Variants in TEX11 observed in about 807,000 individuals in gnomAD.
TEX11 encodes testis expressed 11.
A neutral mutation model predicts 84.4 loss-of-function variants in TEX11; 7 were observed. The ratio of observed to expected loss-of-function variants is 0.08; its 90% CI spans 0.05 to 0.16. The LOEUF is 0.16. TEX11 is among the 10% of genes least tolerant of loss of function. TEX11 has a pLI of 1.00. For synonymous variants in TEX11, 264 were observed against 222.8 expected (o/e 1.18, Z -1.64); for missense variants, 551 against 660.5 (o/e 0.83, Z 1.82).
chrX:70,742,731 A>T (rs1048338483), intron 10 of TEX11, among the ~76,000 whole-genome samples: 1 of 109,649 alleles, frequency 9.1e-6, no homozygotes, highest in Non-Finnish European at 1.9e-5. Flanking sequence ...TCAAAAAAAA[A>T]TTTTTTTTGG....
At chrX:70,622,656 T>C (rs982161903) in intron 20 of TEX11, among the ~76,000 whole-genome samples, 3 of 112,070 alleles carry the variant, frequency 2.7e-5, no homozygotes, top group African/African-American at 9.7e-5. Context: ...TTTAGTCCTT[T>C]TTTAAAAAAG....
intron 25 of TEX11, among the ~76,000 whole-genome samples, chrX:70,591,143 T>A (rs1407886913): frequency 8.9e-6 from 1 of 112,345 alleles, no homozygotes; most frequent in Non-Finnish European, 1.9e-5. Context: ...CTTGATTAAA[T>A]TAGACATTAA....
At chrX:70,866,114 G>T (rs2091597805) in intron 4 of TEX11, among the ~76,000 whole-genome samples, 1 of 111,394 alleles carries the variant, frequency 9.0e-6, no homozygotes, top group Non-Finnish European at 1.9e-5. Flanking sequence ...CTGATTTTCT[G>T]AAAAGATTAA....
chrX:70,742,644 G>A (rs2090741163), intron 10 of TEX11, among the ~76,000 whole-genome samples: 1 of 110,254 alleles, frequency 9.1e-6, no homozygotes, highest in African/African-American at 3.3e-5. Flanking sequence ...AGGGAGGACT[G>A]CTTGAGCCCA....
chrX:70,878,289 C>G (rs770066031), intron 3 of TEX11, among the ~76,000 whole-genome samples: 1 of 108,030 alleles, frequency 9.3e-6, no homozygotes, highest in South Asian at 4.1e-4. Context: ...TCTCCTGCCT[C>G]AGCCTCCCAA....
At chrX:70,596,670 G>A (rs2089010733) in intron 24 of TEX11, among the ~76,000 whole-genome samples, 1 of 109,885 alleles carries the variant, frequency 9.1e-6, no homozygotes, top group Non-Finnish European at 1.9e-5. Flanking sequence ...TGCAAAAGTT[G>A]ATATTAAAAA....
At chrX:70,557,327 G>C (rs1039074435) in intron 25 of TEX11, among the ~76,000 whole-genome samples, 17 of 107,142 alleles carry the variant, frequency 1.6e-4, no homozygotes, top group Non-Finnish European at 2.1e-4. Context: ...AAAATTAGCC[G>C]GGTGTGGGGG....
At chrX:70,536,649 T>C (rs1457623359) in intron 28 of TEX11, among the ~76,000 whole-genome samples, 1 of 112,450 alleles carries the variant, frequency 8.9e-6, no homozygotes, top group Non-Finnish European at 1.9e-5. Context: ...TGGATCTCCT[T>C]CTGGGCTCAG....
At chrX:70,618,445 A>G (rs11094162) in intron 20 of TEX11, among the ~76,000 whole-genome samples, 32,422 of 110,537 alleles carry the variant, frequency 0.29, 4,359 homozygotes, top group African/African-American at 0.52. Flanking sequence ...AGTTGAACCT[A>G]GACATATTCC....
At chrX:70,661,155 GA>G (rs1225730392) in intron 16 of TEX11, among the ~76,000 whole-genome samples, 1 of 111,871 alleles carries the variant, frequency 8.9e-6, no homozygotes. Context: ...ACGGCACTTG[GA>G]AAATCAGGTC....
chrX:70,605,286 G>A (rs2089182788), intron 24 of TEX11, 115 bp downstream of exon 24: 2 of 472,480 alleles, frequency 4.2e-6, no homozygotes, highest in East Asian at 7.5e-5. Context: ...TCAAGACGAT[G>A]CTGGAGTGGA....
chrX:70,811,586 C>T (rs1384247544), intron 8 of TEX11, among the ~76,000 whole-genome samples: 2 of 111,097 alleles, frequency 1.8e-5, no homozygotes, highest in Non-Finnish European at 3.8e-5. Flanking sequence ...TTCAAGATCC[C>T]TGAGGAATCG....
rs1341574531 is a variant in TEX11, at chrX:70,817,250, T to TACACACACACAC, written c.607-10461_607-10460insGTGTGTGTGTGT. Among the ~76,000 whole-genome samples the TACACACACACAC allele has an allele frequency of 6.2e-4, 57 of 91,421 alleles. 1 individual carries two copies. Among genetic ancestry groups the TACACACACACAC allele is most frequent in the African/African-American group, 2.2e-3 (53 of 24,560 alleles). The allele number at this position is 91,421 out of a possible 115,157, so 79.4% of individuals were successfully genotyped here. On this transcript the variant is annotated intron_variant, in intron 8 of 29. Transcript: ENST00000374333. ...ACACATACACACACACACACATATA[T>TACACACACACAC]ATATACACACACACACACACACACA...
chrX:70,570,112 A>G (rs987983042), intron 25 of TEX11, among the ~76,000 whole-genome samples: 1 of 111,741 alleles, frequency 8.9e-6, no homozygotes, highest in African/African-American at 3.2e-5. Flanking sequence ...GGGCAATGGC[A>G]GGCACCCCTC....
At chrX:70,847,608 C>T (rs2091486452) in intron 7 of TEX11, among the ~76,000 whole-genome samples, 2 of 111,447 alleles carry the variant, frequency 1.8e-5, no homozygotes, top group Admixed American at 1.9e-4. Context: ...GCTGGAGTGC[C>T]GTGGTGTAAT....
chrX:70,807,055 G>A (rs1404141528), intron 8 of TEX11, among the ~76,000 whole-genome samples: 2 of 112,520 alleles, frequency 1.8e-5, no homozygotes, highest in African/African-American at 6.5e-5. Flanking sequence ...GTATGAAAAA[G>A]TATTACAATA....
chrX:70,547,064 C>T (rs772643577), intron 28 of TEX11, among the ~76,000 whole-genome samples: 2 of 88,260 alleles, frequency 2.3e-5, no homozygotes, highest in African/African-American at 8.5e-5. Context: ...GAATGGAATA[C>T]TGATAATGCT....
At chrX:70,901,118 G>A (rs765799367) in intron 2 of TEX11, among the ~76,000 whole-genome samples, 3 of 111,014 alleles carry the variant, frequency 2.7e-5, no homozygotes, top group Non-Finnish European at 5.7e-5. Flanking sequence ...AAACTGAGGC[G>A]GGAGGATCGC....
chrX:70,656,054 C>A (rs765856755), intron 16 of TEX11, among the ~76,000 whole-genome samples: 1 of 109,067 alleles, frequency 9.2e-6, no homozygotes, highest in African/African-American at 3.3e-5. Flanking sequence ...GTAGACAACC[C>A]AGAAGAATTT....
Sources: allele counts gnomAD v4.1 joint callset (sites outside exome capture counted in the v4.1 genomes callset), GRCh38; gene constraint gnomAD v4.1.1; transcripts MANE v1.5; gene names NCBI Gene and HGNC (gene_info 2026-07-23, HGNC 2026-07-21).